The following RASAL2 variants were observed in gnomAD, a reference collection of about 807,000 sequenced individuals.
RASAL2 encodes RAS protein activator like 2, also known as ras GTPase-activating protein nGAP.
In RASAL2, 58 loss-of-function variants were observed where a neutral mutation model predicts 128.9. The ratio of observed to expected loss-of-function variants is 0.45; its 90% CI spans 0.36 to 0.56. RASAL2 has a LOEUF of 0.56. RASAL2 is among the 20% of genes least tolerant of loss of function. The pLI is 0.00. For synonymous variants in RASAL2, 561 were observed against 580.8 expected, an observed-to-expected ratio of 0.97 and a Z score of 0.49; for missense variants, 1,360 against 1,601.6, an observed-to-expected ratio of 0.85 and a Z score of 2.57.
chr1:178,456,656 A>C, intron 12 of RASAL2, 65 bp from the exon 13 acceptor site: 1 of 1,578,170 alleles, frequency 6.3e-7, no homozygotes, highest in Non-Finnish European at 8.7e-7. Context: ...CGTTGTGCCA[A>C]AAACAATCTG....
intron 3 of RASAL2, among the ~76,000 whole-genome samples, chr1:178,348,146 A>G (rs1048358544): frequency 6.6e-6 from 1 of 152,226 alleles, no homozygotes; most frequent in Non-Finnish European, 1.5e-5. Flanking sequence ...ATAACTGCCA[A>G]GGATACATAA....
Position 178,135,496 on chromosome 1 carries a change from T to TAAAA in RASAL2, c.202+40819_202+40822dup, listed in dbSNP as rs1207102103. Among the ~76,000 whole-genome samples the TAAAA allele has an allele frequency of 1.2e-3, 136 of 116,258 alleles. 8 individuals carry two copies. Among genetic ancestry groups the TAAAA allele is most frequent in the Non-Finnish European group, 1.4e-3 (80 of 58,484 alleles). 76.3% of individuals were successfully genotyped at this position (116,258 alleles called of 152,430 possible). On this transcript the variant is annotated intron_variant, in intron 1 of 17. Coordinates refer to ENST00000367649, the MANE Select transcript of RASAL2 (RefSeq NM_170692.4). ...GAATGTTGAAAATCTTGTCTCTTCA[T>TAAAA]AAAAAAAAAAAAAAAAAAAAGCCAT...
intron 1 of RASAL2, among the ~76,000 whole-genome samples, chr1:178,115,285 A>T (rs1296320253): frequency 6.6e-6 from 1 of 152,224 alleles, no homozygotes; most frequent in African/African-American, 2.4e-5. Context: ...AATTGTTCAT[A>T]ATATTTCCTT....
At chr1:178,133,337 A>G (rs546518534) in intron 1 of RASAL2, among the ~76,000 whole-genome samples, 2 of 152,280 alleles carry the variant, frequency 1.3e-5, no homozygotes, top group South Asian at 4.1e-4. Flanking sequence ...CCTTTCCATG[A>G]TCACTTTGGT....
At chr1:178,412,045 T>A in intron 4 of RASAL2, 7 of 341,036 alleles carry the variant, frequency 2.1e-5, no homozygotes, top group Non-Finnish European at 3.2e-5. Context: ...TTTCTGAAAA[T>A]AAATTGCCAT....
intron 9 of RASAL2, among the ~76,000 whole-genome samples, chr1:178,450,356 G>A (rs1677292321): frequency 6.6e-6 from 1 of 152,054 alleles, no homozygotes; most frequent in Non-Finnish European, 1.5e-5. Flanking sequence ...AGGCCCCACA[G>A]TCAGTTAAAT....
In RASAL2 at chr1:178,278,546, A is replaced by G. The variant is rs564930402; in HGVS notation, c.203-5018A>G. On this transcript the variant is annotated intron_variant, in intron 1 of 17. Transcript: ENST00000367649. ...ATATCATGTCAGAATTTTTAAAAAC[A>G]TGAGACTAGTAAATGATGTGATTCA... 1.4e-4 allele frequency among the ~76,000 whole-genome samples: 22 copies of G among 152,360 alleles called. No homozygotes were observed. In the Middle Eastern group the frequency reaches 0.01, roughly 71 times the overall value.
At chr1:178,397,499 T>C (rs1181411873) in intron 4 of RASAL2, among the ~76,000 whole-genome samples, 1 of 152,222 alleles carries the variant, frequency 6.6e-6, no homozygotes, top group East Asian at 1.9e-4. Context: ...TGACTGCTAA[T>C]GGGCATGGGG....
intron 4 of RASAL2, among the ~76,000 whole-genome samples, chr1:178,416,443 G>C (rs1227293095): frequency 6.6e-6 from 1 of 151,602 alleles, no homozygotes; most frequent in Middle Eastern, 3.2e-3. Context: ...ATAGACATAA[G>C]CATATATACA....
intron 1 of RASAL2, among the ~76,000 whole-genome samples, chr1:178,111,728 A>G (rs553520345): frequency 1.3e-5 from 2 of 151,862 alleles, no homozygotes; most frequent in Non-Finnish European, 2.9e-5. Context: ...TCTTTTGTCT[A>G]TTTTATTTTA....
rs550311698 is a variant in RASAL2, at chr1:178,297,354, C to A, written c.331-2638C>A. On this transcript the variant is annotated intron_variant, in intron 2 of 17. Coordinates refer to ENST00000367649, the MANE Select transcript of RASAL2 (RefSeq NM_170692.4). ...GTGTGGCTCATACCTGTAATCCCAG[C>A]ACTTTGGGAGGCTGAGGCGGGTGGA... 1.9e-3 allele frequency among the ~76,000 whole-genome samples: 296 copies of A among 151,950 alleles called. 2 individuals are homozygous for A. Among genetic ancestry groups the A allele is most frequent in the Middle Eastern group, 3.4e-3 (1 of 292 alleles).
chr1:178,402,409 A>G (rs915820076), intron 4 of RASAL2, among the ~76,000 whole-genome samples: 2 of 152,150 alleles, frequency 1.3e-5, no homozygotes, highest in Non-Finnish European at 2.9e-5. Context: ...ATCTAAAAAA[A>G]AAAAAGGACC....
chr1:178,149,222 G>A (rs914349195), intron 1 of RASAL2, among the ~76,000 whole-genome samples: 1 of 152,032 alleles, frequency 6.6e-6, no homozygotes, highest in Admixed American at 6.6e-5. Flanking sequence ...AATATAAGAA[G>A]AGTTTATGTT....
intron 1 of RASAL2, among the ~76,000 whole-genome samples, chr1:178,103,005 A>G (rs1658961403): frequency 6.6e-6 from 1 of 152,208 alleles, no homozygotes; most frequent in Non-Finnish European, 1.5e-5. Flanking sequence ...AAATGACCAG[A>G]ACAAACCTGC....
intron 11 of RASAL2, among the ~76,000 whole-genome samples, chr1:178,452,967 G>C (rs1677492058): frequency 6.6e-6 from 1 of 151,928 alleles, no homozygotes; most frequent in African/African-American, 2.4e-5. Flanking sequence ...AAAAAGGGCA[G>C]AATAAAAAGT....
intron 1 of RASAL2, among the ~76,000 whole-genome samples, chr1:178,170,368 T>A (rs182483016): frequency 2.6e-5 from 4 of 151,826 alleles, no homozygotes; most frequent in Middle Eastern, 3.4e-3. Context: ...ATATATATAT[T>A]TTGGTAGTAG....
At chr1:178,436,192 G>A (rs555735615) in intron 5 of RASAL2, among the ~76,000 whole-genome samples, 27 of 152,108 alleles carry the variant, frequency 1.8e-4, no homozygotes, top group African/African-American at 6.5e-4. Flanking sequence ...TTGCTTCTCT[G>A]GGAATTACTT....
intron 3 of RASAL2, among the ~76,000 whole-genome samples, chr1:178,353,282 C>T (rs571150473): frequency 2.6e-5 from 4 of 152,326 alleles, no homozygotes; most frequent in African/African-American, 9.6e-5. Flanking sequence ...AGCAGCCAGG[C>T]TACATCTTGA....
At chr1:178,302,406 G>A (rs1282495411) in intron 3 of RASAL2, among the ~76,000 whole-genome samples, 1 of 152,068 alleles carries the variant, frequency 6.6e-6, no homozygotes, top group African/African-American at 2.4e-5. Flanking sequence ...GTTTAATATA[G>A]CATCATGATA....
Sources: gnomAD v4.1 joint callset for allele counts (sites outside exome capture counted in the v4.1 genomes callset) on GRCh38, gnomAD v4.1.1 for gene constraint, MANE v1.5 for transcripts, NCBI Gene and HGNC (gene_info 2026-07-23, HGNC 2026-07-21) for gene names.